Variants in TGM2 observed in about 807,000 individuals in gnomAD.
TGM2 encodes transglutaminase 2, also known as protein-glutamine gamma-glutamyltransferase 2.
Under a neutral mutation model 75.6 loss-of-function variants are expected in TGM2, and 53 were observed. The observed-to-expected ratio is 0.70, with a 90% confidence interval of 0.56 to 0.88. The LOEUF (loss-of-function observed/expected upper bound fraction) is 0.88, where lower values mean the gene tolerates loss of function less well. Among genes scored for constraint, TGM2 ranks in the 40% least tolerant of loss-of-function variants. The pLI is 0.00. For synonymous variants in TGM2, 374 were observed against 381.1 expected (o/e 0.98, Z 0.22); for missense variants, 842 against 928.5 (o/e 0.91, Z 1.21).
upstream of TGM2, chr20:38,165,353 G>C: frequency 4.5e-6 from 5 of 1,108,854 alleles, no homozygotes; most frequent in Non-Finnish European, 5.3e-6. Flanking sequence ...GGCGACCTGG[G>C]AGGCCACCCA....
In TGM2 at chr20:38,128,557, AC is replaced by A. The variant is rs1333426695; in HGVS notation, c.*1661del. On this transcript the variant is annotated 3_prime_UTR_variant, in exon 13 of 13. Coordinates refer to ENST00000361475, the MANE Select transcript of TGM2 (RefSeq NM_004613.4). ...GGTTGGAACCCAAGGCTTTTATAAA[AC>A]CGTAGAGAAATAGAGCTCTATGTAT... 6.6e-6 allele frequency: 1 copy of A among 152,166 alleles called. No homozygotes were observed. Among genetic ancestry groups the A allele is most frequent in the Admixed American group, 6.5e-5 (1 of 15,274 alleles). The allele number at this position is 152,166 out of a possible 1,614,324, so 9.4% of individuals were successfully genotyped here. A position where few individuals can be genotyped will look rare whatever the true frequency, so the allele number is the denominator to read the frequency against.
chr20:38,144,001 T>C (rs1199057573), intron 6 of TGM2, among the ~76,000 whole-genome samples: 1 of 152,188 alleles, frequency 6.6e-6, no homozygotes, highest in African/African-American at 2.4e-5. Context: ...TGGGCAGGGC[T>C]CAGCCCTAAG....
At chr20:38,138,036 A>G (rs1358367085) in intron 10 of TGM2, 77 bp downstream of exon 10, 3 of 1,504,824 alleles carry the variant, frequency 2.0e-6, no homozygotes, top group Non-Finnish European at 2.7e-6. Flanking sequence ...GAAATCACAC[A>G]TGCTAAGTGG....
upstream of TGM2, chr20:38,166,316 G>GGCCTTCTCTTCCCTCCCTCCCTCA (rs1568709694): frequency 2.6e-5 from 4 of 151,466 alleles, no homozygotes; most frequent in African/African-American, 9.8e-5. Flanking sequence ...TCCCTCCCTC[G>GGCCTTCTCTTCCCTCCCTCCCTCA]GCCTTCTCTT....
At chr20:38,140,156 G>C (rs536043359) in intron 8 of TGM2, among the ~76,000 whole-genome samples, 74 of 152,366 alleles carry the variant, frequency 4.9e-4, no homozygotes, top group Non-Finnish European at 8.8e-4. Context: ...GCCAGCCCCA[G>C]GGCGTGTGTG....
At chr20:38,140,932 C>T (rs905433472) in intron 8 of TGM2, among the ~76,000 whole-genome samples, 1 of 151,946 alleles carries the variant, frequency 6.6e-6, no homozygotes, top group African/African-American at 2.4e-5. Flanking sequence ...TATATACATA[C>T]ATATATAAAC....
chr20:38,132,785 A>G, intron 10 of TGM2: 1 of 525,202 alleles, frequency 1.9e-6, no homozygotes, highest in Non-Finnish European at 3.7e-6. Context: ...GAGCCACTCC[A>G]CCTCCCAGGT....
intron 6 of TGM2, among the ~76,000 whole-genome samples, chr20:38,144,478 T>C (rs1264870554): frequency 2.0e-5 from 3 of 152,136 alleles, no homozygotes; most frequent in South Asian, 4.1e-4. Flanking sequence ...TTCATGGACA[T>C]TGAGGAAGTA....
intron 10 of TGM2, among the ~76,000 whole-genome samples, chr20:38,134,497 C>T (rs1422151645): frequency 6.6e-6 from 1 of 152,198 alleles, no homozygotes; most frequent in Non-Finnish European, 1.5e-5. Flanking sequence ...CAGGGCAGGG[C>T]TGGACCTTTG....
intron 2 of TGM2, among the ~76,000 whole-genome samples, chr20:38,158,358 T>G (rs1568702343): frequency 6.6e-6 from 1 of 152,220 alleles, no homozygotes; most frequent in Non-Finnish European, 1.5e-5. Context: ...GCTGCGGTTC[T>G]ACACCATCCT....
rs767762826 is a variant in TGM2 at position 38,146,826 on chromosome 20, G to A, written c.750C>T (p.Ser250=). ...CCACGCTGCCGATCCAGGACATGGGGCTGACGCCGTCCCCGTAGTTGTTGT... is the reference window on the plus strand; with the variant it reads ...CCACGCTGCCGATCCAGGACATGGGACTGACGCCGTCCCCGTAGTTGTTGT... ...RWDNNYGDGV[S]PMSWIGSVDI... is the part of the protein sequence containing the mutation. Residue 250 remains serine, a synonymous_variant, in exon 6 of 13, where the codon AGC becomes AGT. Coordinates refer to ENST00000361475, the MANE Select transcript of TGM2 (RefSeq NM_004613.4). 1 of 1,614,140 alleles carries A rather than the reference G, an allele frequency of 6.2e-7. No individual in the cohort carries two copies. The highest frequency in any genetic ancestry group is 8.5e-7 in the Non-Finnish European group (1 of 1,180,044).
chr20:38,144,502 G>A (rs45606932), intron 6 of TGM2, among the ~76,000 whole-genome samples: 241 of 152,286 alleles, frequency 1.6e-3, no homozygotes, highest in African/African-American at 4.3e-3. Flanking sequence ...TGAGGGATCC[G>A]GCTAAGAAAG....
chr20:38,129,606 G>C lies in TGM2; in HGVS notation c.*613C>G, dbSNP rs1314869820. ...TGATTAAATGGGTTGGAGGCCCCGT[G>C]AGCCCCAGCAAGTGTGGGAGGCACC... is the stretch of plus-strand genomic sequence containing the variant. On this transcript the variant is annotated 3_prime_UTR_variant, in exon 13 of 13. Coordinates refer to ENST00000361475, the MANE Select transcript of TGM2 (RefSeq NM_004613.4). 6.5e-6 allele frequency: 1 copy of C among 153,034 alleles called. No individual in the cohort carries two copies. The highest frequency in any genetic ancestry group is 1.5e-5 in the Non-Finnish European group (1 of 68,654). The allele number at this position is 153,034 out of a possible 1,614,324, so 9.5% of individuals were successfully genotyped here.
intron 3 of TGM2, among the ~76,000 whole-genome samples, chr20:38,152,392 T>G (rs1408503301): frequency 6.6e-6 from 1 of 152,192 alleles, no homozygotes; most frequent in Non-Finnish European, 1.5e-5. Context: ...CTCTGGAAAC[T>G]TCTATAAAAA....
intron 11 of TGM2, among the ~76,000 whole-genome samples, chr20:38,131,769 G>A (rs1471923643): frequency 6.6e-6 from 1 of 152,034 alleles, no homozygotes; most frequent in Non-Finnish European, 1.5e-5. Context: ...CTAAGTGAAG[G>A]GCTATAATGA....
intron 8 of TGM2, among the ~76,000 whole-genome samples, chr20:38,140,822 T>G (rs1272583595): frequency 6.6e-6 from 1 of 152,246 alleles, no homozygotes; most frequent in Non-Finnish European, 1.5e-5. Context: ...TTTTATACAT[T>G]TAAAAATATT....
At chr20:38,146,677 C>T in intron 6 of TGM2, 40 bp downstream of exon 6, 1 of 1,611,584 alleles carries the variant, frequency 6.2e-7, no homozygotes, top group Non-Finnish European at 8.5e-7. Flanking sequence ...TTCGTGCCCC[C>T]TCCCAGGGCT....
At chr20:38,155,758 C>G in intron 3 of TGM2, 89 bp downstream of exon 3, 1 of 1,502,378 alleles carries the variant, frequency 6.7e-7, no homozygotes, top group East Asian at 2.4e-5. Flanking sequence ...GTCTCTTATC[C>G]CCTGTTCTTC....
rs1169066823 is a variant in TGM2, at chr20:38,159,587, C to CAGCA, written c.190+1829_190+1832dup. Among the ~76,000 whole-genome samples the CAGCA allele has an allele frequency of 2.2e-4, 33 of 152,110 alleles. 1 individual carries two copies. Among genetic ancestry groups the CAGCA allele is most frequent in the Non-Finnish European group, 3.5e-4 (24 of 68,016 alleles). ...AGTAGAAATCACAGGCTGCCCAAGCCAGCAGCTCATCTACCATTCCATTTC... is the reference window on the plus strand; with the variant it reads ...AGTAGAAATCACAGGCTGCCCAAGCCAGCAAGCAGCTCATCTACCATTCCATTTC... On this transcript the variant is annotated intron_variant, in intron 2 of 12. Coordinates refer to ENST00000361475, the MANE Select transcript of TGM2 (RefSeq NM_004613.4).
Sources: allele counts gnomAD v4.1 joint callset (sites outside exome capture counted in the v4.1 genomes callset), GRCh38; gene constraint gnomAD v4.1.1; transcripts MANE v1.5; gene names NCBI Gene and HGNC (gene_info 2026-07-23, HGNC 2026-07-21).